Variants in IL1RAPL2 observed in about 807,000 individuals in gnomAD.
The protein encoded by IL1RAPL2 is X-linked interleukin-1 receptor accessory protein-like 2.
A neutral mutation model predicts 44.1 loss-of-function variants in IL1RAPL2; 3 were observed. That is an observed-to-expected ratio of 0.07 (90% CI 0.03 to 0.18). The LOEUF (loss-of-function observed/expected upper bound fraction) is 0.18. Among genes scored for constraint, IL1RAPL2 ranks in the 10% least tolerant of loss-of-function variants. The probability of loss-of-function intolerance (pLI) is 1.00; values close to 1 mark genes in which losing one functional copy is unlikely to be tolerated. For synonymous variants in IL1RAPL2, 181 were observed against 178.8 expected, an observed-to-expected ratio of 1.01 and a Z score of -0.10; for missense variants, 391 against 496.4, an observed-to-expected ratio of 0.79 and a Z score of 2.02.
chrX:104,950,734 A>T (rs1322372600), intron 2 of IL1RAPL2, among the ~76,000 whole-genome samples: 1 of 105,332 alleles, frequency 9.5e-6, no homozygotes, highest in Non-Finnish European at 2.0e-5. Context: ...TTTGAGACGG[A>T]GTCTCGCTGT....
At chrX:105,615,153 G>T (rs753226801) in intron 6 of IL1RAPL2, among the ~76,000 whole-genome samples, 1 of 111,792 alleles carries the variant, frequency 8.9e-6, no homozygotes, top group East Asian at 2.8e-4. Flanking sequence ...CAGTTAAAAT[G>T]ACTTTTATCC....
At chrX:105,542,219 GGAGAGCATTGTAA>G (rs1167981140) in intron 6 of IL1RAPL2, among the ~76,000 whole-genome samples, 4 of 111,952 alleles carry the variant, frequency 3.6e-5, no homozygotes, top group Non-Finnish European at 5.6e-5. Context: ...CTTCTCTTGT[GGAGAGCATTGTAA>G]GAGAGCATTG....
At chrX:104,961,987 A>G (rs1185428232) in intron 2 of IL1RAPL2, among the ~76,000 whole-genome samples, 1 of 112,201 alleles carries the variant, frequency 8.9e-6, no homozygotes, top group Non-Finnish European at 1.9e-5. Flanking sequence ...TTAAAAGTCT[A>G]ATGTGTACCA....
In IL1RAPL2 at chrX:105,011,146, C is replaced by T. The variant is rs138781277; in HGVS notation, c.83-184329C>T. ...AATTTACTTAACTTCTATAAGCCTG[C>T]TTCCTCATATGTAAAGGTGGTACCA... On this transcript the variant is annotated intron_variant, in intron 2 of 10. Transcript: ENST00000372582. Among the ~76,000 whole-genome samples the T allele has an allele frequency of 8.2e-4, 91 of 110,930 alleles. 1 individual carries two copies. The East Asian group carries it at 0.024, about 30-fold the overall frequency.
At chrX:104,653,762 G>C (rs976255526) in intron 1 of IL1RAPL2, among the ~76,000 whole-genome samples, 1 of 111,044 alleles carries the variant, frequency 9.0e-6, no homozygotes, top group Non-Finnish European at 1.9e-5. Flanking sequence ...ATACCTTTAG[G>C]TACGAACTAA....
intron 2 of IL1RAPL2, among the ~76,000 whole-genome samples, chrX:105,046,285 A>T (rs954788661): frequency 8.9e-6 from 1 of 111,861 alleles, no homozygotes; most frequent in East Asian, 2.8e-4. Context: ...ATTGAAAACC[A>T]CCATGAATAG....
chrX:105,346,361 T>C (rs1170534996), intron 5 of IL1RAPL2, among the ~76,000 whole-genome samples: 2 of 112,171 alleles, frequency 1.8e-5, no homozygotes, highest in African/African-American at 6.5e-5. Flanking sequence ...TGAGCAGTAA[T>C]TTTTTTGTTA....
At chrX:105,034,142 T>A (rs2031573466) in intron 2 of IL1RAPL2, among the ~76,000 whole-genome samples, 2 of 111,368 alleles carry the variant, frequency 1.8e-5, no homozygotes, top group African/African-American at 6.5e-5. Context: ...TTTTTCAAAG[T>A]TTTTAACTTC....
At chrX:105,557,062 C>G (rs6621979) in intron 6 of IL1RAPL2, among the ~76,000 whole-genome samples, 1 of 111,766 alleles carries the variant, frequency 8.9e-6, no homozygotes, top group Non-Finnish European at 1.9e-5. Context: ...ATAAGTTTGT[C>G]TATTGTCTGG....
intron 6 of IL1RAPL2, among the ~76,000 whole-genome samples, chrX:105,518,994 C>T (rs114649723): frequency 4.5e-5 from 5 of 111,369 alleles, no homozygotes; most frequent in Admixed American, 9.6e-5. Flanking sequence ...CTTCAGAGAT[C>T]ATCTAGTCTT....
chrX:105,684,028 T>C (rs1441102140), intron 6 of IL1RAPL2, among the ~76,000 whole-genome samples: 1 of 112,540 alleles, frequency 8.9e-6, no homozygotes, highest in Non-Finnish European at 1.9e-5. Context: ...GACTATCTAT[T>C]AATTAACCCA....
intron 2 of IL1RAPL2, among the ~76,000 whole-genome samples, chrX:104,770,084 T>A (rs1004760369): frequency 1.8e-5 from 2 of 110,736 alleles, no homozygotes; most frequent in Non-Finnish European, 3.8e-5. Flanking sequence ...CTATCTACCT[T>A]GAAGCAAAAA....
At chrX:104,965,326 T>C (rs1030738098) in intron 2 of IL1RAPL2, among the ~76,000 whole-genome samples, 3 of 111,806 alleles carry the variant, frequency 2.7e-5, no homozygotes, top group Non-Finnish European at 5.6e-5. Context: ...GAGGTAAAAA[T>C]TGTGAAATGT....
chrX:105,544,358 C>T (rs939116616), intron 6 of IL1RAPL2, among the ~76,000 whole-genome samples: 2 of 111,009 alleles, frequency 1.8e-5, no homozygotes, highest in Non-Finnish European at 3.8e-5. Flanking sequence ...ACAAATTTAC[C>T]TCTTCCTTTT....
At chrX:104,909,645 G>C (rs1169084732) in intron 2 of IL1RAPL2, among the ~76,000 whole-genome samples, 1 of 112,002 alleles carries the variant, frequency 8.9e-6, no homozygotes, top group Non-Finnish European at 1.9e-5. Flanking sequence ...GTGCCTCCCA[G>C]TTAGGCTGCT....
intron 3 of IL1RAPL2, among the ~76,000 whole-genome samples, chrX:105,211,193 A>G (rs1300147977): frequency 8.9e-6 from 1 of 111,764 alleles, no homozygotes; most frequent in African/African-American, 3.3e-5. Context: ...GCTTTTGCCC[A>G]TGGTCTAAAC....
chrX:105,095,904 T>G (rs986311958), intron 2 of IL1RAPL2, among the ~76,000 whole-genome samples: 2 of 111,605 alleles, frequency 1.8e-5, no homozygotes, highest in African/African-American at 6.5e-5. Context: ...AATGAAAAGA[T>G]CGCCCACAGA....
chrX:105,073,701 C>G (rs1255184608), intron 2 of IL1RAPL2, among the ~76,000 whole-genome samples: 2 of 111,800 alleles, frequency 1.8e-5, no homozygotes, highest in Admixed American at 9.5e-5. Context: ...TCCTCTCCAG[C>G]ACCTGTTGTT....
At chrX:105,748,586 C>T (rs2038569634) in intron 8 of IL1RAPL2, among the ~76,000 whole-genome samples, 1 of 111,580 alleles carries the variant, frequency 9.0e-6, no homozygotes, top group Non-Finnish European at 1.9e-5. Flanking sequence ...CTTGCTAAAC[C>T]AATAAGATAA....
Sources: allele counts gnomAD v4.1 joint callset (sites outside exome capture counted in the v4.1 genomes callset), GRCh38; gene constraint gnomAD v4.1.1; transcripts MANE v1.5; gene names NCBI Gene and HGNC (gene_info 2026-07-23, HGNC 2026-07-21).